NIPAL3: variants seen among roughly 807,000 people sequenced by gnomAD.
NIPAL3 encodes NIPA-like protein 3.
NIPAL3 carries 41 observed loss-of-function variants against 47.2 expected under a neutral mutation model. The ratio of observed to expected loss-of-function variants is 0.87; its 90% CI spans 0.68 to 1.13. The LOEUF is 1.13. NIPAL3 is among the 50% of genes most tolerant of loss of function. The pLI is 0.00. For synonymous variants in NIPAL3, 194 were observed against 209.6 expected (o/e 0.93, Z 0.64); for missense variants, 449 against 530.1 (o/e 0.85, Z 1.50).
chr1:24,439,445 A>G (rs775604960), intron 2 of NIPAL3, among the ~76,000 whole-genome samples: 1 of 152,188 alleles, frequency 6.6e-6, no homozygotes, highest in Non-Finnish European at 1.5e-5. Context: ...GGACAGAAAA[A>G]TGTTTGCAGG....
At chr1:24,423,232 A>AC (rs1238676197) in intron 2 of NIPAL3, among the ~76,000 whole-genome samples, 8 of 152,350 alleles carry the variant, frequency 5.3e-5, no homozygotes, top group Admixed American at 5.2e-4. Context: ...CAGAGTCTAC[A>AC]CCATTTCTAA....
intron 2 of NIPAL3, among the ~76,000 whole-genome samples, chr1:24,423,469 A>C (rs1364419753): frequency 6.6e-6 from 1 of 152,176 alleles, no homozygotes; most frequent in Non-Finnish European, 1.5e-5. Context: ...TCTACTCAAA[A>C]ATACAAAAAA....
intron 9 of NIPAL3, among the ~76,000 whole-genome samples, chr1:24,459,267 C>A (rs1466185841): frequency 2.0e-5 from 3 of 152,208 alleles, no homozygotes; most frequent in East Asian, 1.9e-4. Flanking sequence ...CAAATGTGCC[C>A]TATGCCATAC....
At chr1:24,442,993 G>C (rs772120831) in intron 4 of NIPAL3, among the ~76,000 whole-genome samples, 1 of 152,084 alleles carries the variant, frequency 6.6e-6, no homozygotes, top group African/African-American at 2.4e-5. Flanking sequence ...TTAAGCTTTT[G>C]TAGGGTTTGG....
rs561335783 is a variant in NIPAL3, at chr1:24,451,784, A to G, written c.541-1624A>G. Reference sequence around the variant, plus strand: ...TCAAATGCAGGCACAGTGGTTGGGAATGTTGATGATTGACAGCACATCCAC... The same window carrying G: ...TCAAATGCAGGCACAGTGGTTGGGAGTGTTGATGATTGACAGCACATCCAC... On this transcript the variant is annotated intron_variant, in intron 6 of 11. Coordinates refer to ENST00000374399, the MANE Select transcript of NIPAL3 (RefSeq NM_020448.5). The surrounding 1 kb of genome is among the most constrained non-coding windows in gnomAD (Gnocchi z 4.5). Among the ~76,000 whole-genome samples, 13 of 152,308 alleles carry G rather than the reference A, an allele frequency of 8.5e-5. No individual in the cohort carries two copies. The highest frequency in any genetic ancestry group is 2.9e-4 in the African/African-American group (12 of 41,572).
chr1:24,446,069 CGTGTGTGTGTG>C (rs752018766), intron 5 of NIPAL3, among the ~76,000 whole-genome samples: 23 of 147,840 alleles, frequency 1.6e-4, no homozygotes, highest in African/African-American at 4.9e-4. Flanking sequence ...AGATTATAGT[CGTGTGTGTGTG>C]TGTGTGTGTG....
At position 24,428,258 on chromosome 1, in the gene NIPAL3, AAGAGAGAGAGAGAG is replaced by A. The variant is rs56082168; in HGVS notation, c.93+8650_93+8663del. Among the ~76,000 whole-genome samples, 705 of 119,556 alleles carry A rather than the reference AAGAGAGAGAGAGAG, an allele frequency of 5.9e-3. 6 individuals carry two copies. The highest frequency in any genetic ancestry group is 0.024 in the East Asian group (90 of 3,780). The allele number at this position is 119,556 out of a possible 152,430, so 78.4% of individuals were successfully genotyped here. A position where few individuals can be genotyped will look rare whatever the true frequency, so the allele number is the denominator to read the frequency against. On this transcript the variant is annotated intron_variant, in intron 2 of 11. Coordinates refer to ENST00000374399, the MANE Select transcript of NIPAL3 (RefSeq NM_020448.5). ...AGAGCGAGACCCTGTCTCAAAAAGA[AAGAGAGAGAGAGAG>A]AGAGAGAGAGAGAGAGAGAGAGAGA...
chr1:24,455,267 T>C (rs931999408), intron 7 of NIPAL3, among the ~76,000 whole-genome samples: 1 of 152,218 alleles, frequency 6.6e-6, no homozygotes, highest in East Asian at 1.9e-4. Context: ...AAGACATTTC[T>C]GAACAGTAGG....
intron 2 of NIPAL3, among the ~76,000 whole-genome samples, chr1:24,423,675 G>A (rs892466216): frequency 5.3e-5 from 8 of 152,166 alleles, no homozygotes; most frequent in African/African-American, 1.7e-4. Flanking sequence ...AGGGCCACAC[G>A]GGACACACCA....
At chr1:24,457,622 A>G in intron 8 of NIPAL3, 1 of 409,150 alleles carries the variant, frequency 2.4e-6, no homozygotes. Context: ...CATACGAGGA[A>G]CTGATGCGGA....
chr1:24,439,067 G>C (rs1645258345), intron 2 of NIPAL3, among the ~76,000 whole-genome samples: 1 of 152,028 alleles, frequency 6.6e-6, no homozygotes, highest in Admixed American at 6.6e-5. Flanking sequence ...GGTGAGAGTT[G>C]AAAAATTACC....
In NIPAL3 at chr1:24,463,762, G is replaced by A. The variant is rs150273602; in HGVS notation, c.927-264G>A. On this transcript the variant is annotated intron_variant, in intron 10 of 11. Transcript: ENST00000374399. Reference sequence around the variant, plus strand: ...GGAAGTGAAGAGCCATGAGAAGCTCGCCCAGGAGAGTCTAATTTATTCTGA... The same window carrying A: ...GGAAGTGAAGAGCCATGAGAAGCTCACCCAGGAGAGTCTAATTTATTCTGA... Among the ~76,000 whole-genome samples the A allele has an allele frequency of 6.2e-4, 94 of 152,224 alleles. No homozygotes were observed. The East Asian group carries it at 0.016, about 26-fold the overall frequency.
intron 11 of NIPAL3, chr1:24,466,143 G>A: frequency 1.3e-6 from 2 of 1,556,360 alleles, no homozygotes; most frequent in African/African-American, 2.7e-5. Context: ...AACAGCCCCT[G>A]ACCTCCAGGA....
At chr1:24,429,565 G>T (rs1250029685) in intron 2 of NIPAL3, among the ~76,000 whole-genome samples, 1 of 152,052 alleles carries the variant, frequency 6.6e-6, no homozygotes, top group African/African-American at 2.4e-5. Context: ...CCAAAATTGG[G>T]CAGGCACTCA....
chr1:24,456,461 C>T (rs1009032450), intron 8 of NIPAL3, among the ~76,000 whole-genome samples, 188 bp downstream of exon 8: 4 of 152,138 alleles, frequency 2.6e-5, no homozygotes, highest in Admixed American at 6.5e-5. Context: ...ACTCAAAAGA[C>T]GAAGCCAGGC....
In NIPAL3 at chr1:24,449,002, C is replaced by T. The variant is rs116053681; in HGVS notation, c.395-479C>T. 2.3e-3 allele frequency among the ~76,000 whole-genome samples: 353 copies of T among 152,330 alleles called. No individual in the cohort carries two copies. Among genetic ancestry groups the T allele is most frequent in the African/African-American group, 8.0e-3 (332 of 41,572 alleles). ...AATGAACTGCCACTGTGCCCCACAA[C>T]GCAGACGAATCTCAGAAACATCATG... is the stretch of plus-strand genomic sequence containing the variant. On this transcript the variant is annotated intron_variant, in intron 5 of 11. Transcript: ENST00000374399. The surrounding 1 kb of genome is among the most constrained non-coding windows in gnomAD (Gnocchi z 4.5).
At chr1:24,461,227 A>G (rs1288344960) in intron 10 of NIPAL3, among the ~76,000 whole-genome samples, 2 of 152,168 alleles carry the variant, frequency 1.3e-5, no homozygotes, top group Non-Finnish European at 1.5e-5. Flanking sequence ...ACACAGATCC[A>G]TGTCTAGAAC....
At chr1:24,427,990 A>C (rs750103832) in intron 2 of NIPAL3, among the ~76,000 whole-genome samples, 5 of 152,178 alleles carry the variant, frequency 3.3e-5, no homozygotes, top group Non-Finnish European at 7.4e-5. Flanking sequence ...TCATGCTTGT[A>C]ATCCCAGAAC....
rs55864646 is a variant in NIPAL3 at position 24,461,389 on chromosome 1, A to G, written c.926+845A>G. ...AAACCCCGTCTGTACTAAAAATACA[A>G]AAATTAGTTGGGCATGATGGTGCAT... On this transcript the variant is annotated intron_variant, in intron 10 of 11. Transcript: ENST00000374399. Among the ~76,000 whole-genome samples, 769 of 151,582 alleles carry G rather than the reference A, an allele frequency of 5.1e-3. 19 individuals are homozygous for G. The highest frequency in any genetic ancestry group is 0.018 in the African/African-American group (742 of 41,024).
Sources: gnomAD v4.1 joint callset for allele counts (sites outside exome capture counted in the v4.1 genomes callset) on GRCh38, gnomAD v4.1.1 for gene constraint, Gnocchi (gnomAD v3.1) non-coding constraint, MANE v1.5 for transcripts, NCBI Gene and HGNC (gene_info 2026-07-23, HGNC 2026-07-21) for gene names.